The following ANO3 variants were observed in gnomAD, a reference collection of about 807,000 sequenced individuals.
The protein encoded by ANO3 is anoctamin 3, also known as anoctamin-3.
Under a neutral mutation model 144.8 loss-of-function variants are expected in ANO3, and 99 were observed. The observed-to-expected ratio is 0.68, with a 90% CI of 0.58 to 0.81. The LOEUF (loss-of-function observed/expected upper bound fraction) is 0.81. Among genes scored for constraint, ANO3 ranks in the 30% least tolerant of loss-of-function variants. ANO3 has a pLI of 0.00. For synonymous variants in ANO3, 414 were observed against 392.6 expected (o/e 1.05, Z -0.64); for missense variants, 905 against 1,202.2 (o/e 0.75, Z 3.66).
chr11:26,236,825 A>AG, intron 1 of ANO3, among the ~76,000 whole-genome samples: 1 of 151,748 alleles, frequency 6.6e-6, no homozygotes, highest in African/African-American at 2.4e-5. Flanking sequence ...CTCAAAAAAA[A>AG]AAAAAAAAAA....
rs745864037 is a variant in ANO3, at chr11:26,634,333, A to G, written c.1985+18A>G. 6.8e-7 allele frequency: 1 copy of G among 1,479,378 alleles called. No individual in the cohort carries two copies. The highest frequency in any genetic ancestry group is 9.5e-7 in the Non-Finnish European group (1 of 1,057,910). 91.6% of individuals were successfully genotyped at this position (1,479,378 alleles called of 1,614,324 possible). On this transcript the variant is annotated intron_variant, in intron 19 of 26. Coordinates refer to ENST00000256737, the MANE Select transcript of ANO3 (RefSeq NM_031418.4). ...TTGGGAAGGTAAGTCAACTTTTTGTACATTATCTTCGCAGAGTGAAAAACA... is the reference window on the plus strand; with the variant it reads ...TTGGGAAGGTAAGTCAACTTTTTGTGCATTATCTTCGCAGAGTGAAAAACA...
At chr11:26,382,707 T>C (rs1041168325) in intron 1 of ANO3, among the ~76,000 whole-genome samples, 1 of 152,144 alleles carries the variant, frequency 6.6e-6, no homozygotes, top group African/African-American at 2.4e-5. Flanking sequence ...TTGTAAACTC[T>C]AGTTTCTTCC....
At chr11:26,582,346 G>A (rs987509169) in intron 14 of ANO3, among the ~76,000 whole-genome samples, 2 of 152,164 alleles carry the variant, frequency 1.3e-5, no homozygotes, top group African/African-American at 4.8e-5. Flanking sequence ...ATACATATAG[G>A]TTGAAAAGGC....
intron 1 of ANO3, among the ~76,000 whole-genome samples, chr11:26,302,486 T>A (rs1854258975): frequency 1.3e-5 from 2 of 152,108 alleles, no homozygotes; most frequent in African/African-American, 4.8e-5. Context: ...AGAGTGAGAC[T>A]CTGTCTCAAA....
At chr11:26,638,057 A>G (rs1006654130) in intron 20 of ANO3, among the ~76,000 whole-genome samples, 12 of 152,350 alleles carry the variant, frequency 7.9e-5, no homozygotes, top group African/African-American at 2.9e-4. Flanking sequence ...AGACGAAAGA[A>G]TAGGATCATA....
At chr11:26,214,975 T>C (rs1014425190) in intron 1 of ANO3, among the ~76,000 whole-genome samples, 1 of 151,972 alleles carries the variant, frequency 6.6e-6, no homozygotes, top group African/African-American at 2.4e-5. Context: ...ATTTTATATT[T>C]AGACCAGGAT....
chr11:26,512,634 G>A (rs1426653465), intron 5 of ANO3, among the ~76,000 whole-genome samples: 1 of 152,192 alleles, frequency 6.6e-6, no homozygotes, highest in Non-Finnish European at 1.5e-5. Flanking sequence ...CTTACAAAAT[G>A]AGAAATATTA....
intron 5 of ANO3, among the ~76,000 whole-genome samples, chr11:26,509,960 G>T (rs1470307867): frequency 6.6e-6 from 1 of 151,742 alleles, no homozygotes; most frequent in Non-Finnish European, 1.5e-5. Flanking sequence ...TGGCCAACGT[G>T]GTGAAAACCC....
chr11:26,214,216 A>G (rs1032385145), intron 1 of ANO3, among the ~76,000 whole-genome samples: 2 of 151,972 alleles, frequency 1.3e-5, no homozygotes, highest in Admixed American at 1.3e-4. Context: ...TCTAAACCAC[A>G]TAAGGATACA....
intron 1 of ANO3, among the ~76,000 whole-genome samples, chr11:26,208,512 C>CAAAAAAAAAAAAAAAAAA (rs67196052): frequency 6.5e-4 from 79 of 121,712 alleles, no homozygotes; most frequent in African/African-American, 2.7e-3. Flanking sequence ...GACTCCGTCT[C>CAAAAAAAAAAAAAAAAAA]AAAAAAAAAA....
At chr11:26,563,395 CTGTGTGTGTG>C (rs71047867) in intron 14 of ANO3, 27,232 of 526,150 alleles carry the variant, frequency 0.052, 27 homozygotes, top group Middle Eastern at 0.061. Flanking sequence ...GTTTCTCTCT[CTGTGTGTGTG>C]TGTGTGTGTG....
At chr11:26,562,669 G>C (rs1325711673) in intron 14 of ANO3, among the ~76,000 whole-genome samples, 5 of 151,784 alleles carry the variant, frequency 3.3e-5, no homozygotes, top group Non-Finnish European at 7.4e-5. Context: ...CATTAAGATG[G>C]TTAATGGAGG....
At chr11:26,458,326 T>C (rs1859245258) in intron 3 of ANO3, among the ~76,000 whole-genome samples, 1 of 152,158 alleles carries the variant, frequency 6.6e-6, no homozygotes, top group South Asian at 2.1e-4. Flanking sequence ...CTCTCAGATG[T>C]TGACTGACGC....
intron 1 of ANO3, among the ~76,000 whole-genome samples, chr11:26,279,471 G>T (rs984556089): frequency 6.6e-6 from 1 of 152,050 alleles, no homozygotes; most frequent in African/African-American, 2.4e-5. Flanking sequence ...GCAGAATAAA[G>T]AATTCCTACA....
intron 2 of ANO3, among the ~76,000 whole-genome samples, chr11:26,442,552 A>T (rs1471254799): frequency 4.6e-5 from 7 of 152,210 alleles, no homozygotes; most frequent in African/African-American, 1.7e-4. Flanking sequence ...TTAGTTGGAC[A>T]AGTGTTGGCA....
At chr11:26,408,093 G>A (rs866633698) in intron 1 of ANO3, among the ~76,000 whole-genome samples, 109 of 152,006 alleles carry the variant, frequency 7.2e-4, no homozygotes, top group African/African-American at 2.5e-3. Context: ...AACACCAAAA[G>A]CAATGGCAAC....
intron 1 of ANO3, among the ~76,000 whole-genome samples, chr11:26,220,445 C>T (rs922862957): frequency 2.6e-5 from 4 of 152,208 alleles, no homozygotes; most frequent in Non-Finnish European, 5.9e-5. Flanking sequence ...TCTAGATCTA[C>T]TCTACTTGTG....
At chr11:26,431,050 G>T (rs996019369) in intron 1 of ANO3, among the ~76,000 whole-genome samples, 2 of 152,150 alleles carry the variant, frequency 1.3e-5, no homozygotes, top group African/African-American at 4.8e-5. Context: ...TGTTCAGTAT[G>T]GTTGTCATCA....
At chr11:26,214,733 T>G (rs1292203637) in intron 1 of ANO3, among the ~76,000 whole-genome samples, 1 of 152,008 alleles carries the variant, frequency 6.6e-6, no homozygotes, top group African/African-American at 2.4e-5. Context: ...TTACATTCAA[T>G]GAACCAATAT....
Sources: gnomAD v4.1 joint callset for allele counts (sites outside exome capture counted in the v4.1 genomes callset) on GRCh38, gnomAD v4.1.1 for gene constraint, MANE v1.5 for transcripts, NCBI Gene and HGNC (gene_info 2026-07-23, HGNC 2026-07-21) for gene names.